The following PPP2R2C variants were observed in gnomAD, a reference collection of about 807,000 sequenced individuals.
PPP2R2C encodes the protein protein phosphatase 2, regulatory subunit B, gamma.
In PPP2R2C, 10 loss-of-function variants were observed where a neutral mutation model predicts 45.3. That is an observed-to-expected ratio of 0.22 (90% confidence interval 0.14 to 0.37). PPP2R2C has a LOEUF of 0.37. Among genes scored for constraint, PPP2R2C ranks in the 10% least tolerant of loss-of-function variants. The pLI, the probability that PPP2R2C is intolerant of heterozygous loss-of-function variation, is 1.00. For synonymous variants in PPP2R2C, 257 were observed against 245.4 expected (o/e 1.05, Z -0.44); for missense variants, 308 against 619.7 (o/e 0.50, Z 5.34).
At chr4:6,512,496 G>A (rs1175092895) in intron 2 of PPP2R2C, among the ~76,000 whole-genome samples, 1 of 120,266 alleles carries the variant, frequency 8.3e-6, no homozygotes, top group Non-Finnish European at 1.8e-5. Flanking sequence ...TGGTGATGGT[G>A]GTGGTGGTGG....
intron 5 of PPP2R2C, among the ~76,000 whole-genome samples, chr4:6,370,596 G>T (rs191021263): frequency 2.6e-5 from 4 of 152,270 alleles, no homozygotes; most frequent in East Asian, 1.9e-4. Context: ...AACTGGTCTC[G>T]TTTCTCCTGG....
chr4:6,380,184 G>C (rs895614719), intron 2 of PPP2R2C: 7 of 152,644 alleles, frequency 4.6e-5, no homozygotes, highest in Non-Finnish European at 7.3e-5. Flanking sequence ...CTGTTCACTA[G>C]CTGGGTGGCT....
chr4:6,469,340 T>C (rs549106720), intron 1 of PPP2R2C, among the ~76,000 whole-genome samples: 12 of 151,978 alleles, frequency 7.9e-5, no homozygotes, highest in African/African-American at 2.7e-4. Context: ...AGAAAGAAAA[T>C]GGCCTGCTCA....
intron 1 of PPP2R2C, among the ~76,000 whole-genome samples, chr4:6,552,373 G>A (rs1199837609): frequency 1.3e-5 from 2 of 152,148 alleles, no homozygotes; most frequent in Non-Finnish European, 2.9e-5. Flanking sequence ...AGGCCCCAGG[G>A]GAGGATCCGT....
chr4:6,356,883 G>C (rs181231425), intron 5 of PPP2R2C, among the ~76,000 whole-genome samples: 40 of 152,140 alleles, frequency 2.6e-4, no homozygotes, highest in Admixed American at 2.4e-3. Flanking sequence ...CAGGGACAGT[G>C]AGGTGCTGGG....
chr4:6,347,143 C>T (rs1712041090), intron 6 of PPP2R2C, among the ~76,000 whole-genome samples: 1 of 152,142 alleles, frequency 6.6e-6, no homozygotes, highest in Admixed American at 6.5e-5. Flanking sequence ...GACCTTGGGC[C>T]AATAACTGGA....
At position 6,378,593 on chromosome 4, in the gene PPP2R2C, G is replaced by C. The variant is rs2109308623; in HGVS notation, c.169-21C>G. The stretch of plus-strand genomic sequence containing the variant: ...TTACTCTGCAGGGAAACCCGGAGAA[G>C]GGGCCTGAGCACCGTGACCTGCAGG... On this transcript the variant is annotated intron_variant, in intron 2 of 8. Coordinates refer to ENST00000382599, the MANE Select transcript of PPP2R2C (RefSeq NM_020416.4). This position sits in a 1 kb window ranked among gnomAD's most constrained non-coding sequence, Gnocchi z 5.2. 6.2e-7 allele frequency: 1 copy of C among 1,607,268 alleles called. No individual in the cohort carries two copies. The highest frequency in any genetic ancestry group is 2.2e-5 in the East Asian group (1 of 44,742).
intron 1 of PPP2R2C, among the ~76,000 whole-genome samples, chr4:6,402,948 A>G (rs1174145363): frequency 6.6e-6 from 1 of 152,212 alleles, no homozygotes. Flanking sequence ...AGGCCTGCCA[A>G]GAAAGACCAA....
At chr4:6,363,579 A>C (rs1289689072) in intron 5 of PPP2R2C, among the ~76,000 whole-genome samples, 1 of 146,292 alleles carries the variant, frequency 6.8e-6, no homozygotes, top group Non-Finnish European at 1.5e-5. Context: ...TCTCCATCTC[A>C]AAAAAAAAAA....
chr4:6,435,467 T>C (rs1356021185), intron 1 of PPP2R2C, among the ~76,000 whole-genome samples: 3 of 152,230 alleles, frequency 2.0e-5, no homozygotes, highest in Non-Finnish European at 4.4e-5. Context: ...TATGTACAGT[T>C]GATATTTTCA....
At chr4:6,525,174 A>G (rs916759126) in intron 2 of PPP2R2C, among the ~76,000 whole-genome samples, 6 of 152,056 alleles carry the variant, frequency 3.9e-5, no homozygotes, top group African/African-American at 1.4e-4. Context: ...GGAGGCCGAG[A>G]TGGTTGGATC....
rs570576293 is a variant in PPP2R2C, at chr4:6,491,340, G to C, written c.49+43931C>G. Among the ~76,000 whole-genome samples the C allele has an allele frequency of 2.6e-5, 4 of 152,302 alleles. No homozygotes were observed. The East Asian group carries it at 7.7e-4, about 29-fold the overall frequency. On this transcript the variant is annotated intron_variant, in intron 2 of 9. Coordinates refer to the PPP2R2C transcript ENST00000506140. ...AGGCTGGCCAATGAGCTTCTGCATG[G>C]AAGATGGGGCAGGCTACTGGGGTAT...
chr4:6,529,464 A>G (rs1577241645), intron 2 of PPP2R2C, among the ~76,000 whole-genome samples: 1 of 152,194 alleles, frequency 6.6e-6, no homozygotes, highest in African/African-American at 2.4e-5. Flanking sequence ...CGTATCAACC[A>G]TTAGCCTCCA....
chr4:6,410,861 ATT>A (rs1028688204), intron 1 of PPP2R2C, among the ~76,000 whole-genome samples: 1 of 146,710 alleles, frequency 6.8e-6, no homozygotes, highest in African/African-American at 2.6e-5. Flanking sequence ...TTATTTATTT[ATT>A]TATTTATTTA....
In PPP2R2C at chr4:6,323,469, C is replaced by T; in HGVS notation, c.1177G>A (p.Val393Met). Residue 393 changes from valine (V) to methionine (M), a missense_variant, in exon 9 of 9, where the codon GTG (valine) becomes ATG (methionine). Val to Met is a conservative substitution (Grantham distance 21, BLOSUM62 1). Coordinates refer to ENST00000382599, the MANE Select transcript of PPP2R2C (RefSeq NM_020416.4). The part of the protein sequence containing the change: ...KPRAVLKPRR[V>M]CVGGKRRRDD... Reference sequence around the variant, plus strand: ...CGCCGGCGCTTGCCCCCCACGCACACGCGCCGTGGCTTGAGCACAGCCCGG... The same window carrying T: ...CGCCGGCGCTTGCCCCCCACGCACATGCGCCGTGGCTTGAGCACAGCCCGG... 4 of 1,612,864 alleles carry T rather than the reference C, an allele frequency of 2.5e-6. No individual in the cohort carries two copies. The highest frequency in any genetic ancestry group is 2.5e-6 in the Non-Finnish European group (3 of 1,178,974).
intron 3 of PPP2R2C, among the ~76,000 whole-genome samples, chr4:6,377,682 C>T (rs1715441380): frequency 6.6e-6 from 1 of 152,038 alleles, no homozygotes. Context: ...AAAAAAGAAT[C>T]CAGGTGTGTC....
chr4:6,334,469 C>T (rs534396864), intron 6 of PPP2R2C, among the ~76,000 whole-genome samples: 2 of 152,306 alleles, frequency 1.3e-5, no homozygotes, highest in African/African-American at 4.8e-5. Context: ...CAGACAGTGT[C>T]CCCTCCCCAC....
At chr4:6,454,012 C>A (rs1720881200) in intron 1 of PPP2R2C, among the ~76,000 whole-genome samples, 1 of 152,212 alleles carries the variant, frequency 6.6e-6, no homozygotes, top group Non-Finnish European at 1.5e-5. Context: ...ACCTCCTTTC[C>A]TCTGTGTTTA....
At chr4:6,352,976 A>G (rs2109239575) in intron 5 of PPP2R2C, among the ~76,000 whole-genome samples, 1 of 152,274 alleles carries the variant, frequency 6.6e-6, no homozygotes, top group Non-Finnish European at 1.5e-5. Flanking sequence ...GTGGAGACAA[A>G]GGCAGAGATG....
Sources: gnomAD v4.1 joint callset for allele counts (sites outside exome capture counted in the v4.1 genomes callset) on GRCh38, gnomAD v4.1.1 for gene constraint, Gnocchi (gnomAD v3.1) non-coding constraint, MANE v1.5 for transcripts, NCBI Gene and HGNC (gene_info 2026-07-23, HGNC 2026-07-21) for gene names.